PGM2L1: variants seen among roughly 807,000 people sequenced by gnomAD.
PGM2L1 encodes phosphoglucomutase 2 like 1.
A neutral mutation model predicts 73.4 loss-of-function variants in PGM2L1; 35 were observed. The observed-to-expected ratio is 0.48, with a 90% CI of 0.36 to 0.63. The LOEUF (loss-of-function observed/expected upper bound fraction) is 0.63, where lower values mean the gene tolerates loss of function less well. Ranked by LOEUF, PGM2L1 falls within the 30% of genes least tolerant of loss-of-function variation. The pLI is 0.00. For missense variants in PGM2L1, 570 were observed against 742.0 expected, an observed-to-expected ratio of 0.77 and a Z score of 2.69; for synonymous variants, 225 against 253.8, an observed-to-expected ratio of 0.89 and a Z score of 1.08.
In PGM2L1 at chr11:74,346,780, G is replaced by C; in HGVS notation, c.989C>G (p.Ala330Gly). Residue 330 changes from alanine (A) to glycine (G), a missense_variant, in exon 8 of 14, where the codon GCC (alanine) becomes GGC (glycine). Transcript: ENST00000298198. ...AEKENARVVLATDPDADRLAA... is the reference protein window; with the variant it reads ...AEKENARVVLGTDPDADRLAA... Reference sequence around the variant, plus strand: ...CAGTCTGTCTGCATCAGGATCTGTGGCTAGCACTACCCGGGCATTTTCTTT... The same window carrying C: ...CAGTCTGTCTGCATCAGGATCTGTGCCTAGCACTACCCGGGCATTTTCTTT... The C allele has an allele frequency of 6.2e-7, 1 of 1,614,056 alleles. No individual in the cohort carries two copies. Among genetic ancestry groups the C allele is most frequent in the Non-Finnish European group, 8.5e-7 (1 of 1,179,958 alleles).
In PGM2L1 at chr11:74,343,394, C is replaced by G; in HGVS notation, c.1241G>C (p.Trp414Ser). 1 of 1,608,214 alleles carries G rather than the reference C, an allele frequency of 6.2e-7. No homozygotes were observed. The highest frequency in any genetic ancestry group is 8.5e-7 in the Non-Finnish European group (1 of 1,178,542). ...GAGGTCTATTATCCTACTTCCAATC[C>G]ATTTAAAACCTGGTAATGTTTCCTG... ...HFEETLPGFKWIGSRIIDLLE... is the reference protein window; with the variant it reads ...HFEETLPGFKSIGSRIIDLLE... Residue 414 changes from tryptophan to serine, a missense_variant, in exon 10 of 14, where the codon TGG (tryptophan) becomes TCG (serine). Transcript: ENST00000298198.
chr11:74,392,281 C>T (rs1863113566), intron 1 of PGM2L1, among the ~76,000 whole-genome samples: 1 of 149,962 alleles, frequency 6.7e-6, no homozygotes, highest in Admixed American at 6.6e-5. Context: ...TGTATTTCTT[C>T]AAAAAAAATA....
intron 1 of PGM2L1, among the ~76,000 whole-genome samples, chr11:74,375,542 T>A (rs1413332150): frequency 6.6e-6 from 1 of 152,194 alleles, no homozygotes; most frequent in African/African-American, 2.4e-5. Context: ...TCAACATCCA[T>A]AGTATATACA....
chr11:74,336,655 A>C lies in PGM2L1; in HGVS notation c.1866T>G (p.Val622=). Residue 622 remains valine (V), a synonymous_variant, in exon 14 of 14, where the codon GTT becomes GTG. Coordinates refer to ENST00000298198, the MANE Select transcript of PGM2L1 (RefSeq NM_173582.6). ...GTCATGACATATTGGTGTACCCCTA[A>C]ACAGAACGCCAGATCAGTCCATTCT... ...PSKNGLIWRS[V] 6.2e-7 allele frequency: 1 copy of C among 1,601,854 alleles called. No homozygotes were observed. The highest frequency in any genetic ancestry group is 8.5e-7 in the Non-Finnish European group (1 of 1,171,076).
intron 5 of PGM2L1, among the ~76,000 whole-genome samples, chr11:74,362,108 A>G (rs1019902345): frequency 3.9e-5 from 6 of 152,212 alleles, no homozygotes; most frequent in African/African-American, 7.2e-5. Context: ...AGATTCATCA[A>G]ACTTGAAATG....
At chr11:74,387,252 A>G (rs536216987) in intron 1 of PGM2L1, among the ~76,000 whole-genome samples, 5 of 152,356 alleles carry the variant, frequency 3.3e-5, no homozygotes, top group African/African-American at 1.2e-4. Context: ...TGTAAAAATT[A>G]GAAAGGTTGG....
At position 74,368,531 on chromosome 11, in the gene PGM2L1, A is replaced by G; in HGVS notation, c.516T>C (p.Ile172=). 6.2e-7 allele frequency: 1 copy of G among 1,613,946 alleles called. No individual in the cohort carries two copies. The highest frequency in any genetic ancestry group is 8.5e-7 in the Non-Finnish European group (1 of 1,179,844). ...QKLKAVAGVM[I]TASHNRKEDN... The stretch of plus-strand genomic sequence containing the variant: ...CTTCCTTGCGGTTGTGAGAGGCAGT[A>G]ATCATCACACCTGCAACTGCTTTGA... The change falls in exon 5 of 14, where the codon ATT becomes ATC. Residue 172 remains isoleucine (I), a synonymous_variant. Coordinates refer to ENST00000298198, the MANE Select transcript of PGM2L1 (RefSeq NM_173582.6).
chr11:74,380,329 A>C (rs1357046038), intron 1 of PGM2L1, among the ~76,000 whole-genome samples: 1 of 150,532 alleles, frequency 6.6e-6, no homozygotes, highest in Non-Finnish European at 1.5e-5. Flanking sequence ...ATGTTTCTTT[A>C]TTAAGTCCAA....
At chr11:74,388,017 T>C (rs1863040996) in intron 1 of PGM2L1, among the ~76,000 whole-genome samples, 1 of 152,212 alleles carries the variant, frequency 6.6e-6, no homozygotes, top group African/African-American at 2.4e-5. Flanking sequence ...TTGTACATGT[T>C]GTTCTATAAC....
intron 1 of PGM2L1, among the ~76,000 whole-genome samples, chr11:74,396,573 C>T (rs1468735324): frequency 6.6e-6 from 1 of 152,136 alleles, no homozygotes; most frequent in Non-Finnish European, 1.5e-5. Flanking sequence ...CGCCACCGCG[C>T]CCGGCTAATT....
intron 5 of PGM2L1, among the ~76,000 whole-genome samples, chr11:74,351,965 A>AT (rs1337116163): frequency 9.4e-6 from 1 of 106,388 alleles, no homozygotes; most frequent in African/African-American, 2.8e-5. Context: ...CTGTCTCAAA[A>AT]AAAAAAATAA....
At chr11:74,390,723 C>T (rs1342394200) in intron 1 of PGM2L1, among the ~76,000 whole-genome samples, 1 of 152,164 alleles carries the variant, frequency 6.6e-6, no homozygotes. Flanking sequence ...TAGCATGAAA[C>T]AAAGTGCAAT....
In PGM2L1 at chr11:74,354,453, CAG is replaced by C. The variant is rs1862411022; in HGVS notation, c.556-2879_556-2878del. The C allele has an allele frequency of 1.0e-5, 8 of 780,306 alleles. No individual in the cohort carries two copies. In the Admixed American group the frequency reaches 1.5e-4, roughly 14 times the overall value. 48.3% of individuals were successfully genotyped at this position (780,306 alleles called of 1,614,324 possible). ...CTTCCCCCTGCTGTCATGTCTAAGT[CAG>C]AGTCTCCTAAAGAGCCTGAACAGCT... On this transcript the variant is annotated intron_variant, in intron 5 of 13. Coordinates refer to ENST00000298198, the MANE Select transcript of PGM2L1 (RefSeq NM_173582.6).
chr11:74,359,738 C>G (rs777500549), intron 5 of PGM2L1, among the ~76,000 whole-genome samples: 1 of 151,628 alleles, frequency 6.6e-6, no homozygotes, highest in Non-Finnish European at 1.5e-5. Context: ...GTGACAAACA[C>G]GTATATATTT....
At chr11:74,351,356 T>C (rs531030284) in intron 6 of PGM2L1, 27 bp downstream of exon 6, 3 of 1,570,084 alleles carry the variant, frequency 1.9e-6, no homozygotes, top group Admixed American at 1.8e-5. Flanking sequence ...TCTGAAGTAG[T>C]ATTATCTGAT....
At chr11:74,396,957 T>C (rs763502421) in intron 1 of PGM2L1, among the ~76,000 whole-genome samples, 1 of 152,234 alleles carries the variant, frequency 6.6e-6, no homozygotes, top group Non-Finnish European at 1.5e-5. Context: ...GCAGGAACCC[T>C]TTCTATTTTC....
intron 5 of PGM2L1, among the ~76,000 whole-genome samples, chr11:74,362,932 T>C (rs889260632): frequency 7.9e-5 from 12 of 152,182 alleles, no homozygotes; most frequent in African/African-American, 2.7e-4. Context: ...CAACAGAATA[T>C]ACATTCTTCT....
Position 74,371,697 on chromosome 11 carries a change from A to G in PGM2L1, c.386+14T>C, listed in dbSNP as rs781150644. 5 of 1,599,612 alleles carry G rather than the reference A, an allele frequency of 3.1e-6. No homozygotes were observed. The Admixed American group carries it at 6.7e-5, about 21-fold the overall frequency. ...TCTATTTCAACTTAATCTTTGAAAC[A>G]ATTAACTTTGTACCTCTGGCTGCTG... is the stretch of plus-strand genomic sequence containing the variant. On this transcript the variant is annotated intron_variant, in intron 3 of 13. Transcript: ENST00000298198.
chr11:74,370,889 A>G lies in PGM2L1; in HGVS notation c.471+13T>C. 1 of 1,593,546 alleles carries G rather than the reference A, an allele frequency of 6.3e-7. No homozygotes were observed. The highest frequency in any genetic ancestry group is 8.6e-7 in the Non-Finnish European group (1 of 1,162,586). Reference sequence around the variant, plus strand: ...AGCAGCAAGCTATATGATCACCAACACAACACACTTACTACAAAAGGTGTA... The same window carrying G: ...AGCAGCAAGCTATATGATCACCAACGCAACACACTTACTACAAAAGGTGTA... On this transcript the variant is annotated intron_variant, in intron 4 of 13. Transcript: ENST00000298198.
Sources: gnomAD v4.1 joint callset for allele counts (sites outside exome capture counted in the v4.1 genomes callset) on GRCh38, gnomAD v4.1.1 for gene constraint, MANE v1.5 for transcripts, NCBI Gene and HGNC (gene_info 2026-07-23, HGNC 2026-07-21) for gene names.